Variants in ZC3H13 observed in about 807,000 individuals in gnomAD.
ZC3H13 encodes zinc finger CCCH domain-containing protein 13.
Under a neutral mutation model 204.1 loss-of-function variants are expected in ZC3H13, and 64 were observed. The ratio of observed to expected loss-of-function variants is 0.31; its 90% CI spans 0.26 to 0.39. The LOEUF (loss-of-function observed/expected upper bound fraction) is 0.39. Among genes scored for constraint, ZC3H13 ranks in the 10% least tolerant of loss-of-function variants. The pLI is 1.00. For synonymous variants in ZC3H13, 667 were observed against 693.7 expected (o/e 0.96, Z 0.60); for missense variants, 1,833 against 2,082.7 (o/e 0.88, Z 2.33).
rs762419853 is a variant in ZC3H13 at position 46,045,340 on chromosome 13, C to A, written c.117+51G>T. ...ACCTTTATGATACAAATAAGCATTT[C>A]AATAATAGAATTCTAAGAGAACCCC... On this transcript the variant is annotated intron_variant, in intron 2 of 18. Transcript: ENST00000679008. 4 of 1,447,746 alleles carry A rather than the reference C, an allele frequency of 2.8e-6. No individual in the cohort carries two copies. The East Asian group carries it at 9.1e-5, about 33-fold the overall frequency. 89.7% of individuals were successfully genotyped at this position (1,447,746 alleles called of 1,614,324 possible). A position where few individuals can be genotyped will look rare whatever the true frequency, so the allele number is the denominator to read the frequency against.
chr13:45,980,078 C>T (rs1953424151), intron 10 of ZC3H13, 74 bp from the exon 11 acceptor site: 1 of 1,273,692 alleles, frequency 7.9e-7, no homozygotes, highest in Non-Finnish European at 1.1e-6. Flanking sequence ...CATAATCTTT[C>T]CTCCTAAACA....
rs568236165 is a variant in ZC3H13, at chr13:45,959,589, C to G, written c.4733G>C (p.Arg1578Pro). ...AAGAAGACTTGCTCTTTCTTCTTTT[C>G]GTAGTAATGCAGCCATATTGAGAGC... ...LGALNMAALL[R>P]KEERASLLSN... Residue 1578 changes from arginine to proline, a missense_variant, in exon 18 of 19, where the codon CGA (arginine) becomes CCA (proline). This residue lies in a region of ZC3H13 where 211 missense variants were observed against 228.4 expected (regional missense o/e 0.92). Transcript: ENST00000679008. 2 of 1,548,566 alleles carry G rather than the reference C, an allele frequency of 1.3e-6. No individual in the cohort carries two copies. Among genetic ancestry groups the G allele is most frequent in the Non-Finnish European group, 1.7e-6 (2 of 1,146,186 alleles).
In ZC3H13 at chr13:45,969,112, G is replaced by A; in HGVS notation, c.3432C>T (p.Thr1144=). 6.2e-7 allele frequency: 1 copy of A among 1,614,180 alleles called. No individual in the cohort carries two copies. The highest frequency in any genetic ancestry group is 8.5e-7 in the Non-Finnish European group (1 of 1,180,018). Residue 1144 remains threonine, a synonymous_variant, in exon 14 of 19, where the codon ACC becomes ACT. Coordinates refer to ENST00000679008, the MANE Select transcript of ZC3H13 (RefSeq NM_001330564.2). The stretch of plus-strand genomic sequence containing the variant: ...TGGCAAAAGTATTATTGGTGGTATT[G>A]GTGGGGGTGGCAGAGGTGGAAATAG... ...AITISTSATP[T]NTTNNTFANE...
At chr13:46,050,083 T>A (rs879908337) in intron 1 of ZC3H13, among the ~76,000 whole-genome samples, 14 of 152,068 alleles carry the variant, frequency 9.2e-5, no homozygotes, top group Non-Finnish European at 2.1e-4. Context: ...GCAGAGCAAA[T>A]GAATATCTGA....
rs751291240 is a variant in ZC3H13 at position 46,010,414 on chromosome 13, G to A, written c.680C>T (p.Ser227Leu). ...CCTATCTTTCTTGCTAGCTGAAGAC[G>A]ACTTCGGGCTTGATTTTCGCTTCGG... ...KSPKRKSSPK[S>L]SSASKKDRKT... The change falls in exon 7 of 19, where the codon TCG (serine) becomes TTG (leucine). Residue 227 changes from serine to leucine, a missense_variant. By Grantham distance (145) the Ser-to-Leu change is moderately radical. This residue lies in a region of ZC3H13 where 1,574 missense variants were observed against 1,757.2 expected (regional missense o/e 0.90). Coordinates refer to ENST00000679008, the MANE Select transcript of ZC3H13 (RefSeq NM_001330564.2). The A allele has an allele frequency of 8.7e-6, 14 of 1,613,652 alleles. No individual in the cohort carries two copies. The highest frequency in any genetic ancestry group is 3.3e-5 in the South Asian group (3 of 91,056).
intron 4 of ZC3H13, among the ~76,000 whole-genome samples, chr13:46,028,060 C>T (rs546763385): frequency 3.9e-4 from 60 of 151,996 alleles, no homozygotes; most frequent in African/African-American, 1.4e-3. Flanking sequence ...AAAAACAAGA[C>T]CCAATGGTAT....
intron 17 of ZC3H13, among the ~76,000 whole-genome samples, chr13:45,961,299 C>A (rs1278303362): frequency 2.6e-5 from 4 of 151,962 alleles, no homozygotes; most frequent in African/African-American, 9.7e-5. Context: ...TTGTTCATTA[C>A]CACACATTTC....
At chr13:45,995,290 A>G (rs1015170430) in intron 8 of ZC3H13, among the ~76,000 whole-genome samples, 1 of 152,210 alleles carries the variant, frequency 6.6e-6, no homozygotes, top group African/African-American at 2.4e-5. Flanking sequence ...GACAAAAGCT[A>G]AAAGTACAAT....
At chr13:46,046,330 G>A (rs557973838) in intron 1 of ZC3H13, among the ~76,000 whole-genome samples, 61 of 151,902 alleles carry the variant, frequency 4.0e-4, no homozygotes, top group African/African-American at 1.3e-3. Flanking sequence ...TTTATTTTAC[G>A]TTTAAGCTCT....
intron 5 of ZC3H13, among the ~76,000 whole-genome samples, chr13:46,015,259 A>T (rs1466710898): frequency 1.3e-5 from 2 of 152,150 alleles, no homozygotes; most frequent in Non-Finnish European, 2.9e-5. Context: ...AAGATTGAGC[A>T]TTTATTGGCC....
chr13:45,986,888 T>C (rs1313492030), intron 9 of ZC3H13, among the ~76,000 whole-genome samples: 1 of 152,186 alleles, frequency 6.6e-6, no homozygotes, highest in Admixed American at 6.5e-5. Context: ...ACAAGGCCCT[T>C]AGACCCTCAT....
chr13:45,979,239 T>C (rs1380367420), intron 11 of ZC3H13, among the ~76,000 whole-genome samples: 5 of 152,164 alleles, frequency 3.3e-5, no homozygotes, highest in African/African-American at 1.2e-4. Context: ...TCAAAATTCA[T>C]TTAAGAGATC....
chr13:45,970,021 G>T (rs762124726), intron 13 of ZC3H13, 50 bp from the exon 14 acceptor site: 1 of 1,541,616 alleles, frequency 6.5e-7, no homozygotes, highest in Admixed American at 2.0e-5. Context: ...AGTAACCACT[G>T]CATGGTACAT....
chr13:45,957,766 C>T (rs1269769172), intron 18 of ZC3H13, among the ~76,000 whole-genome samples: 4 of 152,180 alleles, frequency 2.6e-5, no homozygotes, highest in Admixed American at 6.5e-5. Flanking sequence ...GTTTTTCCTT[C>T]TGTAAGCCAA....
chr13:45,994,382 G>A (rs939987324), intron 8 of ZC3H13, among the ~76,000 whole-genome samples: 2 of 152,152 alleles, frequency 1.3e-5, no homozygotes, highest in African/African-American at 4.8e-5. Flanking sequence ...CATTGTTCAA[G>A]GGTCAACTGT....
intron 7 of ZC3H13, among the ~76,000 whole-genome samples, chr13:46,005,121 T>C (rs1358313590): frequency 6.6e-6 from 1 of 152,226 alleles, no homozygotes; most frequent in Non-Finnish European, 1.5e-5. Context: ...CTGGTTTTTC[T>C]GTTGGCATGC....
intron 18 of ZC3H13, 47 bp from the exon 19 acceptor site, chr13:45,957,344 T>C (rs1951334538): frequency 2.3e-5 from 32 of 1,389,446 alleles, no homozygotes; most frequent in Non-Finnish European, 3.0e-5. Flanking sequence ...TGTACATTAT[T>C]AGTAGGAAAG....
At chr13:45,962,866 A>G in intron 17 of ZC3H13, 1 of 985,392 alleles carries the variant, frequency 1.0e-6, no homozygotes, top group Non-Finnish European at 1.2e-6. Flanking sequence ...ATAAAGTATT[A>G]GTAAGTTGCA....
At chr13:46,023,742 G>A (rs1399735302) in intron 4 of ZC3H13, among the ~76,000 whole-genome samples, 3 of 152,160 alleles carry the variant, frequency 2.0e-5, no homozygotes, top group Non-Finnish European at 4.4e-5. Flanking sequence ...TCAGGCCTAA[G>A]TGACTTAGTA....
Sources: allele counts gnomAD v4.1 joint callset (sites outside exome capture counted in the v4.1 genomes callset), GRCh38; gene constraint gnomAD v4.1.1; regional missense constraint gnomAD v4.1.1; transcripts MANE v1.5; gene names NCBI Gene and HGNC (gene_info 2026-07-23, HGNC 2026-07-21).